Variants in USP24 observed in about 807,000 individuals in gnomAD.
USP24 encodes ubiquitin specific peptidase 24, also known as ubiquitin carboxyl-terminal hydrolase 24.
USP24 carries 97 observed loss-of-function variants against 361.6 expected under a neutral mutation model. The ratio of observed to expected loss-of-function variants is 0.27; its 90% CI spans 0.23 to 0.32. The LOEUF (loss-of-function observed/expected upper bound fraction) is 0.32. USP24 is among the 10% of genes least tolerant of loss of function. The pLI, the probability that USP24 is intolerant of heterozygous loss-of-function variation, is 1.00. For missense variants in USP24, 2,353 were observed against 3,165.6 expected (o/e 0.74, Z 6.16); for synonymous variants, 1,098 against 1,124.6 (o/e 0.98, Z 0.47).
At chr1:55,210,830 A>G (rs575959439) in intron 1 of USP24, among the ~76,000 whole-genome samples, 2 of 152,330 alleles carry the variant, frequency 1.3e-5, no homozygotes, top group African/African-American at 2.4e-5. Context: ...TGTTTATCAG[A>G]TCACAGTATT....
At chr1:55,142,721 T>C (rs773783183) in intron 23 of USP24, 21 bp downstream of exon 23, 1 of 1,449,270 alleles carries the variant, frequency 6.9e-7, no homozygotes, top group African/African-American at 1.4e-5. Flanking sequence ...AAAGAGATGT[T>C]AAATAAAATT....
At position 55,154,194 on chromosome 1, in the gene USP24, G is replaced by A. The variant is rs1237160119; in HGVS notation, c.1737C>T (p.Ile579=). ...CTTTCACTGCATATGCATCACTAAG[G>A]ATTGTCAGGTGCTCCTCCAAGGCCT... ...IQQALEEHLT[I]LSDAYAVKEA... The change falls in exon 15 of 68, where the codon ATC becomes ATT. Residue 579 remains isoleucine (I), a synonymous_variant. Coordinates refer to ENST00000294383, the MANE Select transcript of USP24 (RefSeq NM_015306.3). 3.1e-5 allele frequency: 50 copies of A among 1,613,502 alleles called. No homozygotes were observed. The highest frequency in any genetic ancestry group is 4.0e-5 in the Non-Finnish European group (47 of 1,179,712).
chr1:55,168,037 G>A (rs988035514), intron 5 of USP24, among the ~76,000 whole-genome samples: 31 of 152,142 alleles, frequency 2.0e-4, no homozygotes, highest in Non-Finnish European at 1.3e-4. Flanking sequence ...AAAGTGTAGT[G>A]AATAAAGAAA....
In USP24 at chr1:55,132,675, G is replaced by A; in HGVS notation, c.3407C>T (p.Ser1136Phe). ...CAGGGATGGAGATTTTGAGGACTGAGAACTTGATTCAGACAGCAATGTTTT... is the reference window on the plus strand; with the variant it reads ...CAGGGATGGAGATTTTGAGGACTGAAAACTTGATTCAGACAGCAATGTTTT... ...RKKTLLSESS[S>F]QSSKSPSLSS... is the part of the protein sequence containing the mutation. Residue 1136 changes from serine to phenylalanine, a missense_variant, in exon 31 of 68, where the codon TCT becomes TTT. By Grantham distance (155) the Ser-to-Phe change is radical. Transcript: ENST00000294383. The A allele has an allele frequency of 6.2e-7, 1 of 1,613,510 alleles. No homozygotes were observed. Among genetic ancestry groups the A allele is most frequent in the African/African-American group, 1.3e-5 (1 of 75,022 alleles).
rs1393361002 is a variant in USP24 at position 55,166,633 on chromosome 1, G to T, written c.826-30C>A. 4 of 1,567,334 alleles carry T rather than the reference G, an allele frequency of 2.6e-6. No homozygotes were observed. In the Admixed American group the frequency reaches 7.4e-5, roughly 29 times the overall value. On this transcript the variant is annotated intron_variant, in intron 5 of 67. Coordinates refer to ENST00000294383, the MANE Select transcript of USP24 (RefSeq NM_015306.3). The stretch of plus-strand genomic sequence containing the variant: ...GAGAAAAGAAAAACAAAATTGAGAT[G>T]GCAATATAAAAGCTTCCCCATTAAC...
intron 3 of USP24, among the ~76,000 whole-genome samples, chr1:55,175,724 A>G (rs2100816148): frequency 6.6e-6 from 1 of 152,342 alleles, no homozygotes; most frequent in African/African-American, 2.4e-5. Flanking sequence ...TAACAGACAC[A>G]GTCCTTGCTC....
intron 38 of USP24, among the ~76,000 whole-genome samples, chr1:55,113,854 A>G (rs1646026454): frequency 6.6e-6 from 1 of 152,244 alleles, no homozygotes; most frequent in African/African-American, 2.4e-5. Flanking sequence ...TTGGCACAAG[A>G]CAAGGATGAC....
chr1:55,174,115 G>A (rs1244018155), intron 3 of USP24, among the ~76,000 whole-genome samples: 1 of 152,248 alleles, frequency 6.6e-6, no homozygotes, highest in Non-Finnish European at 1.5e-5. Flanking sequence ...AGGCTAGCCT[G>A]AAGGTAAAAG....
intron 1 of USP24, among the ~76,000 whole-genome samples, chr1:55,213,390 A>G (rs1053882245): frequency 1.3e-5 from 2 of 152,230 alleles, no homozygotes; most frequent in African/African-American, 4.8e-5. Context: ...AGCCAAAGAA[A>G]TCTTGTGCAG....
intron 20 of USP24, among the ~76,000 whole-genome samples, chr1:55,144,636 T>G (rs76731202): frequency 8.9e-4 from 136 of 152,242 alleles, no homozygotes; most frequent in African/African-American, 3.1e-3. Flanking sequence ...GAAGTGCACA[T>G]TAAAACCATT....
At chr1:55,102,053 G>A (rs986273102) in intron 42 of USP24, among the ~76,000 whole-genome samples, 1 of 151,968 alleles carries the variant, frequency 6.6e-6, no homozygotes, top group Admixed American at 6.6e-5. Context: ...AAATGTGCAC[G>A]GCCCCTGATC....
At chr1:55,124,145 G>A (rs1209641949) in intron 35 of USP24, among the ~76,000 whole-genome samples, 2 of 152,154 alleles carry the variant, frequency 1.3e-5, no homozygotes, top group Non-Finnish European at 1.5e-5. Context: ...TGTTTTCCAG[G>A]ACTGAATTCT....
At chr1:55,118,220 T>A (rs1017214811) in intron 38 of USP24, among the ~76,000 whole-genome samples, 2 of 152,208 alleles carry the variant, frequency 1.3e-5, no homozygotes, top group African/African-American at 4.8e-5. Context: ...ATTTTAAGCT[T>A]AGTACAATAC....
intron 39 of USP24, among the ~76,000 whole-genome samples, chr1:55,109,296 C>T (rs1645882631): frequency 6.6e-6 from 1 of 152,160 alleles, no homozygotes; most frequent in Admixed American, 6.5e-5. Context: ...TTTTGACAGA[C>T]ACTTACGAAA....
At chr1:55,119,862 C>G (rs1426236492) in intron 38 of USP24, among the ~76,000 whole-genome samples, 2 of 151,996 alleles carry the variant, frequency 1.3e-5, no homozygotes, top group African/African-American at 4.8e-5. Context: ...TTAATGACTT[C>G]TTCATGGGCA....
At chr1:55,186,656 C>T (rs897582609) in intron 1 of USP24, among the ~76,000 whole-genome samples, 1 of 152,084 alleles carries the variant, frequency 6.6e-6, no homozygotes, top group Non-Finnish European at 1.5e-5. Flanking sequence ...GTGAAATAAG[C>T]CAATCACAGA....
At chr1:55,077,398 G>T in intron 61 of USP24, 98 bp from the exon 62 acceptor site, 1 of 1,101,704 alleles carries the variant, frequency 9.1e-7, no homozygotes, top group Non-Finnish European at 1.3e-6. Context: ...TCACCTTCTG[G>T]CCGACCCTGG....
At chr1:55,103,231 G>A (rs891595812) in intron 42 of USP24, among the ~76,000 whole-genome samples, 1 of 152,050 alleles carries the variant, frequency 6.6e-6, no homozygotes, top group Non-Finnish European at 1.5e-5. Flanking sequence ...GCTTCACCTG[G>A]TTCACTAGTT....
intron 20 of USP24, 105 bp from the exon 21 acceptor site, chr1:55,144,308 A>T: frequency 1.6e-6 from 1 of 618,584 alleles, no homozygotes; most frequent in Non-Finnish European, 2.6e-6. Flanking sequence ...GACTCTTGGC[A>T]TTGGCTTCTT....
Sources: allele counts gnomAD v4.1 joint callset (sites outside exome capture counted in the v4.1 genomes callset), GRCh38; gene constraint gnomAD v4.1.1; transcripts MANE v1.5; gene names NCBI Gene and HGNC (gene_info 2026-07-23, HGNC 2026-07-21).